ATP11A: variants seen among roughly 807,000 people sequenced by gnomAD.
ATP11A encodes the protein phospholipid-transporting ATPase IH.
A neutral mutation model predicts 154.4 loss-of-function variants in ATP11A; 81 were observed. The ratio of observed to expected loss-of-function variants is 0.52; its 90% CI spans 0.44 to 0.63. ATP11A has a LOEUF of 0.63. Ranked by LOEUF, ATP11A falls within the 30% of genes least tolerant of loss-of-function variation. The probability of loss-of-function intolerance (pLI) is 0.00; values close to 1 mark genes in which losing one functional copy is unlikely to be tolerated. For synonymous variants in ATP11A, 623 were observed against 585.9 expected, an observed-to-expected ratio of 1.06 and a Z score of -0.91; for missense variants, 1,316 against 1,474.3, an observed-to-expected ratio of 0.89 and a Z score of 1.76.
chr13:112,780,432 C>T (rs575886890), intron 1 of ATP11A, among the ~76,000 whole-genome samples: 1 of 152,090 alleles, frequency 6.6e-6, no homozygotes, highest in Non-Finnish European at 1.5e-5. Flanking sequence ...AATGGACTCA[C>T]AACATGGTGT....
At chr13:112,880,019 A>G (rs1178019334) in intron 29 of ATP11A, among the ~76,000 whole-genome samples, 2 of 152,178 alleles carry the variant, frequency 1.3e-5, no homozygotes, top group Non-Finnish European at 2.9e-5. Flanking sequence ...TTGCCCATTC[A>G]GACGTGCAAT....
chr13:112,763,801 C>G (rs990762563), intron 1 of ATP11A, among the ~76,000 whole-genome samples: 3 of 152,154 alleles, frequency 2.0e-5, no homozygotes, highest in African/African-American at 4.8e-5. Context: ...TCCCCCACCC[C>G]CTGCTTGGAG....
At chr13:112,842,858 T>C (rs1487127838) in intron 17 of ATP11A, among the ~76,000 whole-genome samples, 1 of 152,242 alleles carries the variant, frequency 6.6e-6, no homozygotes, top group Non-Finnish European at 1.5e-5. Context: ...CACCACTTGT[T>C]GTATAGCACC....
Position 112,882,699 on chromosome 13 carries a change from C to T in ATP11A, c.*833C>T. The T allele has an allele frequency of 2.5e-6, 1 of 400,060 alleles. No homozygotes were observed. Among genetic ancestry groups the T allele is most frequent in the Non-Finnish European group, 4.4e-6 (1 of 227,176 alleles). 24.8% of individuals were successfully genotyped at this position (400,060 alleles called of 1,614,324 possible). A position where few individuals can be genotyped will look rare whatever the true frequency, so the allele number is the denominator to read the frequency against. On this transcript the variant is annotated 3_prime_UTR_variant, in exon 30 of 30. Transcript: ENST00000375645. This position sits in a 1 kb window ranked among gnomAD's most constrained non-coding sequence, Gnocchi z 5.1. ...ACAAGGCCACGCCGGCAGCTTCCAG[C>T]CCTGCCGCAGAAGTGCCAGGATGTC...
At chr13:112,783,214 A>G (rs1336008611) in intron 1 of ATP11A, among the ~76,000 whole-genome samples, 1 of 152,196 alleles carries the variant, frequency 6.6e-6, no homozygotes, top group African/African-American at 2.4e-5. Context: ...ATCAAGTCCA[A>G]AAACAGCCCC....
Position 112,873,568 on chromosome 13 carries a change from T to G in ATP11A, c.3058-5T>G. 6.3e-7 allele frequency: 1 copy of G among 1,591,266 alleles called. No homozygotes were observed. The highest frequency in any genetic ancestry group is 8.5e-7 in the Non-Finnish European group (1 of 1,172,654). ...CGTTAACTGCCCTTTTTTTTTTCCT[T>G]TTAGCTTGCATTGGACACACACTAC... On this transcript the variant is annotated splice_region_variant and splice_polypyrimidine_tract_variant and intron_variant, in intron 26 of 29. Coordinates refer to ENST00000375645, the MANE Select transcript of ATP11A (RefSeq NM_015205.3).
intron 25 of ATP11A, among the ~76,000 whole-genome samples, chr13:112,865,048 C>T (rs1195405848): frequency 4.4e-5 from 6 of 135,112 alleles, no homozygotes; most frequent in African/African-American, 1.6e-4. Flanking sequence ...TTCAGCGTAG[C>T]ACGTGCAGCT....
Position 112,820,169 on chromosome 13 carries a change from C to T in ATP11A, c.725+219C>T, listed in dbSNP as rs575477073. On this transcript the variant is annotated intron_variant, in intron 8 of 29. Coordinates refer to ENST00000375645, the MANE Select transcript of ATP11A (RefSeq NM_015205.3). ...TAGTGATGCTCGTGAAACAAGTTTT[C>T]GCGCAAGACTCTGCCGAGAGGGTCG... Among the ~76,000 whole-genome samples the T allele has an allele frequency of 7.2e-5, 11 of 152,300 alleles. No individual in the cohort carries two copies. The East Asian group carries it at 1.5e-3, about 21-fold the overall frequency.
At chr13:112,768,913 C>G (rs1468316360) in intron 1 of ATP11A, among the ~76,000 whole-genome samples, 1 of 152,186 alleles carries the variant, frequency 6.6e-6, no homozygotes, top group South Asian at 2.1e-4. Flanking sequence ...GCCTGTTTTC[C>G]GATTCCTGGT....
In ATP11A at chr13:112,754,983, C is replaced by T. The variant is rs138500029; in HGVS notation, c.40-30152C>T. 2.9e-3 allele frequency among the ~76,000 whole-genome samples: 444 copies of T among 152,342 alleles called. 1 individual carries two copies. The highest frequency in any genetic ancestry group is 4.9e-3 in the Admixed American group (75 of 15,302). On this transcript the variant is annotated intron_variant, in intron 1 of 29. Coordinates refer to ENST00000375645, the MANE Select transcript of ATP11A (RefSeq NM_015205.3). The surrounding 1 kb of genome is among the most constrained non-coding windows in gnomAD (Gnocchi z 5.3). ...AGAGCTCCTGCCGAGGGCTGGATGG[C>T]GCGGACCTGGGCATCGTGGCCTCTG...
chr13:112,878,714 C>T (rs568715461), intron 29 of ATP11A, among the ~76,000 whole-genome samples: 8 of 152,308 alleles, frequency 5.3e-5, no homozygotes, highest in African/African-American at 1.9e-4. Flanking sequence ...GCCTGTAGAG[C>T]GTGGATCACA....
chr13:112,765,635 C>T (rs946738680), intron 1 of ATP11A, among the ~76,000 whole-genome samples: 4 of 152,238 alleles, frequency 2.6e-5, no homozygotes, highest in African/African-American at 4.8e-5. Flanking sequence ...GAATGAGTCA[C>T]GGGTTTGAGA....
Position 112,780,799 on chromosome 13 carries a change from TAGAC to T in ATP11A, c.40-4333_40-4330del, listed in dbSNP as rs559675668. ...TCATTAGGAAACCTGTTACTTGACA[TAGAC>T]AGTTTGGTGCCTGGTTTCAGCTTTG... On this transcript the variant is annotated intron_variant, in intron 1 of 29. Coordinates refer to ENST00000375645, the MANE Select transcript of ATP11A (RefSeq NM_015205.3). Among the ~76,000 whole-genome samples, 10 of 152,276 alleles carry T rather than the reference TAGAC, an allele frequency of 6.6e-5. No individual in the cohort carries two copies. The East Asian group carries it at 1.9e-3, about 29-fold the overall frequency.
chr13:112,867,084 G>A (rs75147542), intron 25 of ATP11A, among the ~76,000 whole-genome samples: 3 of 152,112 alleles, frequency 2.0e-5, no homozygotes, highest in Non-Finnish European at 2.9e-5. Flanking sequence ...AAGAGGTAGT[G>A]TCCTGAGCAC....
rs201441209 is a variant in ATP11A at position 112,806,336 on chromosome 13, C to G, written c.333+43C>G. 1,578 of 1,454,228 alleles carry G rather than the reference C, an allele frequency of 1.1e-3. 2 individuals carry two copies. The highest frequency in any genetic ancestry group is 1.4e-3 in the Non-Finnish European group (1,462 of 1,039,542). 90.1% of individuals were successfully genotyped at this position (1,454,228 alleles called of 1,614,324 possible). On this transcript the variant is annotated intron_variant, in intron 4 of 29. Coordinates refer to ENST00000375645, the MANE Select transcript of ATP11A (RefSeq NM_015205.3). ...GAAAAAGAAGCAATCGTCATCTTCA[C>G]CATGTGAATTGCCTTTCATTCAAAG...
intron 1 of ATP11A, among the ~76,000 whole-genome samples, chr13:112,740,328 C>A (rs1891426643): frequency 1.3e-5 from 2 of 152,096 alleles, no homozygotes. Flanking sequence ...TGGCGCACCA[C>A]CACACCCGGC....
intron 6 of ATP11A, 147 bp from the exon 7 acceptor site, chr13:112,819,157 C>T (rs1337839197): frequency 2.9e-6 from 2 of 683,444 alleles, no homozygotes; most frequent in Non-Finnish European, 5.1e-6. Context: ...GCAGGAATAA[C>T]AGTAGTACCT....
rs2079226325 is a variant in ATP11A at position 112,836,066 on chromosome 13, A to T, written c.1632-112A>T. The T allele has an allele frequency of 5.8e-6, 4 of 685,838 alleles. No individual in the cohort carries two copies. In the African/African-American group the frequency reaches 7.2e-5, roughly 12 times the overall value. The allele number at this position is 685,838 out of a possible 1,614,324, so 42.5% of individuals were successfully genotyped here. A position where few individuals can be genotyped will look rare whatever the true frequency, so the allele number is the denominator to read the frequency against. On this transcript the variant is annotated intron_variant, in intron 15 of 29. Coordinates refer to ENST00000375645, the MANE Select transcript of ATP11A (RefSeq NM_015205.3). ...CCAGCAGCCCTCTGTGTGTCCCCTG[A>T]GGAAGGGCCAGGGCTGCCCCAGCCA... is the stretch of plus-strand genomic sequence containing the variant.
At chr13:112,865,103 C>G (rs1469657277) in intron 25 of ATP11A, among the ~76,000 whole-genome samples, 1 of 111,238 alleles carries the variant, frequency 9.0e-6, no homozygotes, top group Non-Finnish European at 1.9e-5. Context: ...TCAGTGCAGC[C>G]CATGCAGCTT....
Sources: gnomAD v4.1 joint callset for allele counts (sites outside exome capture counted in the v4.1 genomes callset) on GRCh38, gnomAD v4.1.1 for gene constraint, Gnocchi (gnomAD v3.1) non-coding constraint, MANE v1.5 for transcripts, NCBI Gene and HGNC (gene_info 2026-07-23, HGNC 2026-07-21) for gene names.